The following NAALADL2 variants were observed in gnomAD, a reference collection of about 807,000 sequenced individuals.
The protein encoded by NAALADL2 is inactive N-acetylated-alpha-linked acidic dipeptidase-like protein 2.
Under a neutral mutation model 87.2 loss-of-function variants are expected in NAALADL2, and 76 were observed. That is an observed-to-expected ratio of 0.87 (90% CI 0.72 to 1.05). The LOEUF (loss-of-function observed/expected upper bound fraction) is 1.05. Ranked by LOEUF, NAALADL2 falls within the 50% of genes least tolerant of loss-of-function variation. The probability of loss-of-function intolerance (pLI) is 0.00; values close to 1 mark genes in which losing one functional copy is unlikely to be tolerated. For synonymous variants in NAALADL2, 354 were observed against 331.0 expected (o/e 1.07, Z -0.75); for missense variants, 1,089 against 945.8 (o/e 1.15, Z -1.99).
chr3:175,237,039 A>C (rs1051908003), intron 3 of NAALADL2, among the ~76,000 whole-genome samples: 1 of 152,150 alleles, frequency 6.6e-6, no homozygotes, highest in African/African-American at 2.4e-5. Context: ...CCTTCACACA[A>C]CTGAATGTCA....
chr3:175,035,482 A>G (rs536626053), intron 1 of NAALADL2, among the ~76,000 whole-genome samples: 1 of 152,176 alleles, frequency 6.6e-6, no homozygotes, highest in South Asian at 2.1e-4. Context: ...GCTTTATGCT[A>G]TGGGCCTTTT....
intron 10 of NAALADL2, among the ~76,000 whole-genome samples, chr3:175,577,669 T>C (rs1433103331): frequency 6.6e-6 from 1 of 152,132 alleles, no homozygotes; most frequent in African/African-American, 2.4e-5. Context: ...ATCATTTGTA[T>C]TATTTATCTC....
chr3:175,032,989 C>T (rs1017298122), intron 1 of NAALADL2, among the ~76,000 whole-genome samples: 10 of 151,994 alleles, frequency 6.6e-5, no homozygotes, highest in Non-Finnish European at 1.3e-4. Context: ...CCTGCTTCTT[C>T]CCAATCAGCA....
At chr3:174,649,412 G>A (rs1001508389) in intron 2 of NAALADL2, among the ~76,000 whole-genome samples, 36 of 151,804 alleles carry the variant, frequency 2.4e-4, no homozygotes, top group Admixed American at 2.2e-3. Flanking sequence ...ATATATATAC[G>A]TTTATATTAT....
At chr3:175,343,757 A>G (rs1488085204) in intron 5 of NAALADL2, among the ~76,000 whole-genome samples, 1 of 149,998 alleles carries the variant, frequency 6.7e-6, no homozygotes, top group Non-Finnish European at 1.5e-5. Context: ...TATGCCATGT[A>G]TGCAGGGCAA....
chr3:175,211,692 C>T (rs775222732), intron 2 of NAALADL2, among the ~76,000 whole-genome samples: 1 of 151,764 alleles, frequency 6.6e-6, no homozygotes, highest in Admixed American at 6.6e-5. Context: ...CAATTTAACC[C>T]GGTGTGTTTA....
At chr3:175,588,779 C>T (rs1042634686) in intron 10 of NAALADL2, among the ~76,000 whole-genome samples, 1 of 151,992 alleles carries the variant, frequency 6.6e-6, no homozygotes, top group African/African-American at 2.4e-5. Flanking sequence ...ACCTCGTGAT[C>T]CGCCCGCCTT....
At chr3:175,008,829 G>A (rs77749063) in intron 1 of NAALADL2, among the ~76,000 whole-genome samples, 3 of 151,710 alleles carry the variant, frequency 2.0e-5, no homozygotes, top group Non-Finnish European at 2.9e-5. Flanking sequence ...TTTGTAAAGA[G>A]ATACTAGAAA....
chr3:175,066,079 C>G (rs1008445472), intron 1 of NAALADL2, among the ~76,000 whole-genome samples: 1 of 152,100 alleles, frequency 6.6e-6, no homozygotes, highest in Non-Finnish European at 1.5e-5. Flanking sequence ...CTGCAGAGAA[C>G]AAGTGGAAAT....
intron 2 of NAALADL2, among the ~76,000 whole-genome samples, chr3:174,609,562 C>T (rs886966729): frequency 6.6e-6 from 1 of 152,084 alleles, no homozygotes; most frequent in Non-Finnish European, 1.5e-5. Flanking sequence ...CTCCCATTCA[C>T]AATTGCTTCA....
chr3:175,052,907 T>C (rs1426702033), intron 1 of NAALADL2, among the ~76,000 whole-genome samples: 1 of 152,194 alleles, frequency 6.6e-6, no homozygotes, highest in African/African-American at 2.4e-5. Context: ...CTGACCATTT[T>C]GTTCAGACCA....
chr3:175,132,928 C>G (rs369268111), intron 2 of NAALADL2, among the ~76,000 whole-genome samples: 7 of 150,498 alleles, frequency 4.7e-5, no homozygotes, highest in East Asian at 4.0e-4. Context: ...ACTTCTCAGA[C>G]GGGGCGGTTG....
At chr3:175,230,070 A>G (rs536543135) in intron 2 of NAALADL2, among the ~76,000 whole-genome samples, 21 of 152,134 alleles carry the variant, frequency 1.4e-4, no homozygotes, top group South Asian at 1.0e-3. Context: ...GTCATTGCAC[A>G]TTAATGGGGC....
chr3:174,989,892 T>C (rs1746480648), intron 1 of NAALADL2, among the ~76,000 whole-genome samples: 1 of 152,206 alleles, frequency 6.6e-6, no homozygotes, highest in African/African-American at 2.4e-5. Context: ...GAGATAGTAC[T>C]TTTTGTTTTA....
chr3:175,635,376 T>G (rs537739576), intron 11 of NAALADL2, among the ~76,000 whole-genome samples: 1 of 152,196 alleles, frequency 6.6e-6, no homozygotes, highest in African/African-American at 2.4e-5. Context: ...TTAACACTTA[T>G]TAAGATAGGA....
chr3:174,692,820 G>A (rs1728698538), intron 2 of NAALADL2, among the ~76,000 whole-genome samples: 1 of 151,478 alleles, frequency 6.6e-6, no homozygotes, highest in African/African-American at 2.4e-5. Flanking sequence ...AAAATGCTGT[G>A]TAAAATACTG....
At chr3:175,409,610 CA>C (rs1028272722) in intron 5 of NAALADL2, among the ~76,000 whole-genome samples, 15 of 151,462 alleles carry the variant, frequency 9.9e-5, no homozygotes, top group African/African-American at 3.2e-4. Flanking sequence ...AGAAGGAAAA[CA>C]TTTTTTTTAC....
At chr3:175,442,358 G>A (rs1560558131) in intron 5 of NAALADL2, among the ~76,000 whole-genome samples, 1 of 152,100 alleles carries the variant, frequency 6.6e-6, no homozygotes, top group Non-Finnish European at 1.5e-5. Context: ...CCAACCAGAT[G>A]AGATTGAAGT....
intron 2 of NAALADL2, among the ~76,000 whole-genome samples, chr3:175,216,947 G>A (rs552875346): frequency 4.6e-5 from 7 of 152,196 alleles, no homozygotes; most frequent in East Asian, 3.9e-4. Context: ...GATTACAGGC[G>A]TGAGCCACTG....
Sources: allele counts gnomAD v4.1 joint callset (sites outside exome capture counted in the v4.1 genomes callset), GRCh38; gene constraint gnomAD v4.1.1; transcripts MANE v1.5; gene names NCBI Gene and HGNC (gene_info 2026-07-23, HGNC 2026-07-21).